Variants in LAMA5 observed in about 807,000 individuals in gnomAD.
The protein encoded by LAMA5 is laminin subunit alpha 5, also known as laminin subunit alpha-5.
In LAMA5, 260 loss-of-function variants were observed where a neutral mutation model predicts 433.4. The ratio of observed to expected loss-of-function variants is 0.60; its 90% CI spans 0.54 to 0.66. LAMA5 has a LOEUF of 0.66. Ranked by LOEUF, LAMA5 falls within the 30% of genes least tolerant of loss-of-function variation. The pLI, the probability that LAMA5 is intolerant of heterozygous loss-of-function variation, is 0.00. For missense variants in LAMA5, 5,378 were observed against 5,258.5 expected (o/e 1.02, Z -0.70); for synonymous variants, 2,620 against 2,226.6 (o/e 1.18, Z -4.97).
rs1978729431 is a variant in LAMA5 at position 62,323,620 on chromosome 20, T to G, written c.5900A>C (p.Gln1967Pro). 1 of 1,611,350 alleles carries G rather than the reference T, an allele frequency of 6.2e-7. No homozygotes were observed. Among genetic ancestry groups the G allele is most frequent in the East Asian group, 2.2e-5 (1 of 44,842 alleles). ...GNPLVLGSSC[Q>P]PCDCSGNGDP... ...ACCGTTGCCGCTGCAGTCGCATGGCTGGCAGGAGCTGCCCAGCACCAGTGG... is the reference window on the plus strand; with the variant it reads ...ACCGTTGCCGCTGCAGTCGCATGGCGGGCAGGAGCTGCCCAGCACCAGTGG... The change falls in exon 45 of 80, where the codon CAG (glutamine) becomes CCG (proline). Residue 1967 changes from glutamine (Q) to proline (P), a missense_variant. Gln to Pro is a moderately conservative substitution (Grantham distance 76). Transcript: ENST00000252999.
At chr20:62,334,399 A>G in intron 21 of LAMA5, 57 bp from the exon 22 acceptor site, 1 of 1,532,196 alleles carries the variant, frequency 6.5e-7, no homozygotes. Context: ...AGCCCTGCAC[A>G]GCGGCCCCGG....
chr20:62,310,950 C>A lies in LAMA5; in HGVS notation c.10233G>T (p.Arg3411=). The A allele has an allele frequency of 1.2e-6, 2 of 1,611,254 alleles. 1 individual carries two copies. The highest frequency in any genetic ancestry group is 2.2e-5 in the South Asian group (2 of 90,984). Residue 3411 remains arginine (R), a synonymous_variant, in exon 74 of 80, where the codon CGG becomes CGT. Transcript: ENST00000252999. The part of the protein sequence containing the change: ...FVAQMEGLGT[R]LRAQSRQRSR... ...AGCGCTGGCGGCTCTGGGCGCGGAG[C>A]CGAGTCCCGAGGCCTTCCATCTGTG... is the stretch of plus-strand genomic sequence containing the variant.
At chr20:62,322,991 T>A (rs1196475400) in intron 45 of LAMA5, among the ~76,000 whole-genome samples, 7 of 147,774 alleles carry the variant, frequency 4.7e-5, no homozygotes, top group African/African-American at 1.7e-4. Context: ...ACGGCTGGTG[T>A]CCGCTGCCAG....
At position 62,327,611 on chromosome 20, in the gene LAMA5, G is replaced by T. The variant is rs1979534296; in HGVS notation, c.4856C>A (p.Ala1619Asp). 9 of 1,612,996 alleles carry T rather than the reference G, an allele frequency of 5.6e-6. No individual in the cohort carries two copies. Among genetic ancestry groups the T allele is most frequent in the Non-Finnish European group, 6.8e-6 (8 of 1,180,028 alleles). ...GCGGGTGCAACCTTTGGGGTTGGCA[G>T]CATCCAGTGAGAAGGTCCCAAGGCT... ...QCSLGTFSLD[A>D]ANPKGCTRCF... The change falls in exon 37 of 80, where the codon GCT (alanine) becomes GAT (aspartate). Residue 1619 changes from alanine (A) to aspartate (D), a missense_variant. Coordinates refer to ENST00000252999, the MANE Select transcript of LAMA5 (RefSeq NM_005560.6).
chr20:62,312,294 T>G lies in LAMA5; in HGVS notation c.9383A>C (p.His3128Pro). The change falls in exon 69 of 80, where the codon CAT (histidine) becomes CCT (proline). Residue 3128 changes from histidine (H) to proline (P), a missense_variant. Transcript: ENST00000252999. ...CGCCAGGCGAAGGAAGCCGTGGCCA[T>G]GGAAAGTCATGGCGCGCCCCACCTG... ...DLLVGRAMTFHGHGFLRLALS... is the reference protein window; with the variant it reads ...DLLVGRAMTFPGHGFLRLALS... 3 of 1,610,726 alleles carry G rather than the reference T, an allele frequency of 1.9e-6. No individual in the cohort carries two copies. Among genetic ancestry groups the G allele is most frequent in the South Asian group, 1.1e-5 (1 of 90,862 alleles).
chr20:62,317,824 G>A, intron 53 of LAMA5, 46 bp from the exon 54 acceptor site: 2 of 1,043,792 alleles, frequency 1.9e-6, no homozygotes, highest in East Asian at 1.0e-4. Context: ...GGTAAGAAAA[G>A]AATAAAGGAT....
chr20:62,319,856 A>G, intron 50 of LAMA5, 61 bp from the exon 51 acceptor site: 1 of 1,370,530 alleles, frequency 7.3e-7, no homozygotes, highest in South Asian at 1.3e-5. Context: ...GTGGCAAGGG[A>G]GGGCCTGGGG....
chr20:62,321,232 G>A (rs1422743877), intron 48 of LAMA5, among the ~76,000 whole-genome samples: 16 of 109,272 alleles, frequency 1.5e-4, no homozygotes, highest in South Asian at 3.2e-4. Context: ...TGGAGGAGGC[G>A]GGGCCTGTGG....
chr20:62,348,780 AAG>A (rs1983750849), intron 6 of LAMA5, among the ~76,000 whole-genome samples: 1 of 152,200 alleles, frequency 6.6e-6, no homozygotes, highest in Non-Finnish European at 1.5e-5. Context: ...GACACAGTGG[AAG>A]AGAGATTTAG....
Position 62,333,943 on chromosome 20 carries a change from C to A in LAMA5, c.2836G>T (p.Val946Phe). 1 of 1,612,088 alleles carries A rather than the reference C, an allele frequency of 6.2e-7. No homozygotes were observed. The highest frequency in any genetic ancestry group is 8.5e-7 in the Non-Finnish European group (1 of 1,179,526). ...GACCTGCCCTCCTCTCGCACAGAGA[C>A]CCGCCCGCTCACACTCATGGCCCCC... ...NRGAMSVSGR[V>F]SVREEGRSAT... Residue 946 changes from valine to phenylalanine, a missense_variant, in exon 23 of 80, where the codon GTC becomes TTC. Transcript: ENST00000252999.
intron 11 of LAMA5, among the ~76,000 whole-genome samples, chr20:62,338,992 G>A (rs6089349): frequency 0.54 from 79,679 of 148,658 alleles, 25,844 homozygotes; most frequent in East Asian, 0.74. Flanking sequence ...AGCCGAGATC[G>A]CACCACTGCA....
chr20:62,359,244 G>A lies in LAMA5; in HGVS notation c.450+3156C>T, dbSNP rs571966400. ...GCCCTCCTCTGCTGGGGAGAGCCCC[G>A]CCCCCACGGTCAGGCCACCCAGGGG... On this transcript the variant is annotated intron_variant, in intron 2 of 79. Transcript: ENST00000252999. The surrounding 1 kb of genome is among the most constrained non-coding windows in gnomAD (Gnocchi z 4.3). Among the ~76,000 whole-genome samples the A allele has an allele frequency of 1.3e-5, 2 of 152,216 alleles. No individual in the cohort carries two copies. The highest frequency in any genetic ancestry group is 6.5e-5 in the Admixed American group (1 of 15,302).
chr20:62,319,757 G>C lies in LAMA5; in HGVS notation c.6798C>G (p.Ala2266=). The C allele has an allele frequency of 6.5e-7, 1 of 1,548,940 alleles. No homozygotes were observed. Among genetic ancestry groups the C allele is most frequent in the Non-Finnish European group, 8.7e-7 (1 of 1,147,242 alleles). Residue 2266 remains alanine (A), a synonymous_variant, in exon 51 of 80, where the codon GCC becomes GCG. Transcript: ENST00000252999. ...GTRDQASQLL[A]GTEATLGHAK... is the part of the protein sequence containing the mutation. ...CATGGCCCAGTGTGGCCTCGGTGCC[G>C]GCCAGCAATTGGCTCGCCTGGTCTC...
Position 62,338,033 on chromosome 20 carries a change from C to A in LAMA5, c.1874G>T (p.Gly625Val). 1 of 1,599,074 alleles carries A rather than the reference C, an allele frequency of 6.3e-7. No individual in the cohort carries two copies. Among genetic ancestry groups the A allele is most frequent in the Non-Finnish European group, 8.5e-7 (1 of 1,171,010 alleles). The change falls in exon 14 of 80, where the codon GGT becomes GTT. Residue 625 changes from glycine (G) to valine (V), a missense_variant. By Grantham distance (109) the Gly-to-Val change is moderately radical (BLOSUM62 -3). Coordinates refer to ENST00000252999, the MANE Select transcript of LAMA5 (RefSeq NM_005560.6). ...CTGCTCACCTTGGCAGTTGGGGAAA[C>A]CATGGTAGCCAGGGCGGCACCGGTC... ...HCDRCRPGYH[G>V]FPNCQACTCD...
intron 6 of LAMA5, among the ~76,000 whole-genome samples, chr20:62,349,146 C>T (rs543809434): frequency 9.0e-4 from 137 of 151,914 alleles, no homozygotes; most frequent in Non-Finnish European, 1.4e-3. Context: ...TGGTGGGTGC[C>T]TGTAGTCCCA....
intron 11 of LAMA5, among the ~76,000 whole-genome samples, chr20:62,344,144 CAAAAAAAA>C (rs34940052): frequency 1.2e-5 from 1 of 82,652 alleles, no homozygotes; most frequent in South Asian, 4.8e-4. Flanking sequence ...AACTCCATCT[CAAAAAAAA>C]AAAAAAAAAA....
rs776755768 is a variant in LAMA5 at position 62,338,381 on chromosome 20, G to A, written c.1619-12C>T. 6.2e-7 allele frequency: 1 copy of A among 1,606,932 alleles called. No individual in the cohort carries two copies. Among genetic ancestry groups the A allele is most frequent in the Admixed American group, 1.7e-5 (1 of 59,556 alleles). On this transcript the variant is annotated splice_polypyrimidine_tract_variant and intron_variant, in intron 12 of 79. Coordinates refer to ENST00000252999, the MANE Select transcript of LAMA5 (RefSeq NM_005560.6). ...GGAACACTGGCAGGCTGCAGGAAAG[G>A]GTGGCCCACATGCTTGGTCAGAGGC...
At chr20:62,317,603 G>A (rs1483144349) in intron 54 of LAMA5, 59 bp downstream of exon 54, 2 of 1,518,870 alleles carry the variant, frequency 1.3e-6, no homozygotes, top group South Asian at 1.3e-5. Flanking sequence ...GCTGCCCACG[G>A]GCCTGGGAGG....
rs377731667 is a variant in LAMA5, at chr20:62,312,307, C to T, written c.9370G>A (p.Ala3124Thr). The T allele has an allele frequency of 3.7e-5, 60 of 1,609,468 alleles. No homozygotes were observed. The highest frequency in any genetic ancestry group is 1.5e-4 in the African/African-American group (11 of 75,040). ...AAGCCGTGGCCATGGAAAGTCATGG[C>T]GCGCCCCACCTGCGGGGAGGCCATC... ...GCTADLLVGRAMTFHGHGFLR... is the reference protein window; with the variant it reads ...GCTADLLVGRTMTFHGHGFLR... Residue 3124 changes from alanine to threonine, a missense_variant, in exon 69 of 80, where the codon GCC becomes ACC. By Grantham distance (58) the Ala-to-Thr change is moderately conservative (BLOSUM62 0). Coordinates refer to ENST00000252999, the MANE Select transcript of LAMA5 (RefSeq NM_005560.6).
Sources: allele counts gnomAD v4.1 joint callset (sites outside exome capture counted in the v4.1 genomes callset), GRCh38; gene constraint gnomAD v4.1.1; non-coding constraint Gnocchi (gnomAD v3.1); transcripts MANE v1.5; gene names NCBI Gene and HGNC (gene_info 2026-07-23, HGNC 2026-07-21).